The following MACROD2 variants were observed in gnomAD, a reference collection of about 807,000 sequenced individuals.
The protein encoded by MACROD2 is ADP-ribose glycohydrolase MACROD2.
Under a neutral mutation model 70.4 loss-of-function variants are expected in MACROD2, and 36 were observed. The ratio of observed to expected loss-of-function variants is 0.51; its 90% confidence interval spans 0.39 to 0.68. The LOEUF (loss-of-function observed/expected upper bound fraction) is 0.68, where lower values mean the gene tolerates loss of function less well. Ranked by LOEUF, MACROD2 falls within the 30% of genes least tolerant of loss-of-function variation. The probability of loss-of-function intolerance (pLI) is 0.00; values close to 1 mark genes in which losing one functional copy is unlikely to be tolerated. For missense variants in MACROD2, 496 were observed against 538.4 expected (o/e 0.92, Z 0.78); for synonymous variants, 172 against 178.8 (o/e 0.96, Z 0.30).
intron 8 of MACROD2, among the ~76,000 whole-genome samples, chr20:15,837,448 G>C (rs528164217): frequency 9.8e-4 from 149 of 152,172 alleles, no homozygotes; most frequent in Non-Finnish European, 1.9e-3. Context: ...TCCAACATGA[G>C]CCTCTCTTGT....
At chr20:14,230,769 G>T (rs2081802972) in intron 3 of MACROD2, among the ~76,000 whole-genome samples, 1 of 146,256 alleles carries the variant, frequency 6.8e-6, no homozygotes, top group Admixed American at 6.9e-5. Flanking sequence ...CATCTAGAAT[G>T]GTGAATCCTT....
chr20:15,976,080 T>G (rs2066301977), intron 13 of MACROD2, among the ~76,000 whole-genome samples: 1 of 152,244 alleles, frequency 6.6e-6, no homozygotes. Flanking sequence ...TAAGAAAACT[T>G]GAGCATCTAA....
intron 1 of MACROD2, among the ~76,000 whole-genome samples, chr20:14,001,787 T>C (rs2052735867): frequency 1.3e-5 from 2 of 152,012 alleles, no homozygotes; most frequent in Admixed American, 1.3e-4. Flanking sequence ...GCAAGAACAG[T>C]AGCACGAGAG....
chr20:14,737,844 T>C (rs2071686108), intron 5 of MACROD2, among the ~76,000 whole-genome samples: 1 of 152,244 alleles, frequency 6.6e-6, no homozygotes, highest in South Asian at 2.1e-4. Context: ...AGATTCTGGA[T>C]ATTAGCCCTT....
chr20:15,842,899 T>C (rs1568592466), intron 8 of MACROD2, among the ~76,000 whole-genome samples: 1 of 152,170 alleles, frequency 6.6e-6, no homozygotes, highest in African/African-American at 2.4e-5. Context: ...GCTAGGTGAT[T>C]AACTTTTTAT....
chr20:14,842,794 T>C (rs2073100905), intron 5 of MACROD2, among the ~76,000 whole-genome samples: 1 of 152,092 alleles, frequency 6.6e-6, no homozygotes, highest in South Asian at 2.1e-4. Flanking sequence ...TGAAATGCCA[T>C]CCATAGTACA....
intron 3 of MACROD2, among the ~76,000 whole-genome samples, chr20:14,134,800 T>TTAA (rs1388482935): frequency 2.3e-4 from 1 of 4,422 alleles, no homozygotes; most frequent in Admixed American, 2.6e-3. Context: ...AGACTCCGTG[T>TTAA]CAAAAAAAAA....
At chr20:14,514,074 G>A (rs2085061107) in intron 4 of MACROD2, among the ~76,000 whole-genome samples, 1 of 151,976 alleles carries the variant, frequency 6.6e-6, no homozygotes, top group African/African-American at 2.4e-5. Context: ...TTACCATAAA[G>A]TGACTTCTTG....
intron 5 of MACROD2, among the ~76,000 whole-genome samples, chr20:14,979,333 C>T (rs1281436084): frequency 5.9e-5 from 9 of 151,988 alleles, no homozygotes. Context: ...TTTTTCATGG[C>T]TTGACATAAA....
At chr20:15,591,489 G>C (rs1275194090) in intron 8 of MACROD2, among the ~76,000 whole-genome samples, 3 of 149,170 alleles carry the variant, frequency 2.0e-5, no homozygotes, top group Non-Finnish European at 4.4e-5. Flanking sequence ...TCTGTCCCAG[G>C]AGGAGGTAAT....
At chr20:14,992,479 T>C (rs2074913510) in intron 5 of MACROD2, among the ~76,000 whole-genome samples, 1 of 152,192 alleles carries the variant, frequency 6.6e-6, no homozygotes, top group African/African-American at 2.4e-5. Flanking sequence ...AAAACTGTAT[T>C]ATCAGTGATA....
chr20:15,811,156 C>G (rs139707437), intron 8 of MACROD2, among the ~76,000 whole-genome samples: 1,625 of 152,204 alleles, frequency 0.011, 15 homozygotes, highest in Non-Finnish European at 0.017. Context: ...AGGCAACCCA[C>G]AAAATGGGAG....
intron 5 of MACROD2, among the ~76,000 whole-genome samples, chr20:14,846,975 C>T (rs1003374834): frequency 6.6e-6 from 1 of 151,962 alleles, no homozygotes; most frequent in African/African-American, 2.4e-5. Context: ...AAAAGTTATG[C>T]CTTCAGTTTA....
intron 9 of MACROD2, among the ~76,000 whole-genome samples, chr20:15,871,469 A>G (rs1226623099): frequency 6.6e-6 from 1 of 152,196 alleles, no homozygotes; most frequent in Non-Finnish European, 1.5e-5. Context: ...TATGTTCCCA[A>G]GGCTGCTACA....
rs373287833 is a variant in MACROD2, at chr20:14,612,217, G to A, written c.302-72626G>A. Among the ~76,000 whole-genome samples, 111 of 152,138 alleles carry A rather than the reference G, an allele frequency of 7.3e-4. 3 individuals carry two copies. The South Asian group carries it at 0.023, about 31-fold the overall frequency. ...ATTTATCAAGTAGTTAATTCTCAGC[G>A]GTAGGCCACAAAATCAGTCTTTTGA... is the stretch of plus-strand genomic sequence containing the variant. On this transcript the variant is annotated intron_variant, in intron 4 of 17. Coordinates refer to ENST00000684519, the MANE Select transcript of MACROD2 (RefSeq NM_001351661.2).
chr20:15,487,164 G>A (rs2047173505), intron 7 of MACROD2, among the ~76,000 whole-genome samples: 1 of 152,208 alleles, frequency 6.6e-6, no homozygotes, highest in Admixed American at 6.5e-5. Flanking sequence ...ATGGGGCAGG[G>A]AAATATGTTC....
intron 9 of MACROD2, among the ~76,000 whole-genome samples, chr20:15,880,926 C>T (rs180917624): frequency 1.3e-5 from 2 of 152,214 alleles, no homozygotes; most frequent in Non-Finnish European, 2.9e-5. Flanking sequence ...AGTCTTGCCT[C>T]TTCTGGAATG....
chr20:15,415,230 G>A (rs1409466429), intron 6 of MACROD2, among the ~76,000 whole-genome samples: 1 of 152,204 alleles, frequency 6.6e-6, no homozygotes, highest in African/African-American at 2.4e-5. Flanking sequence ...ATCCCATGAA[G>A]ATATGTTAGT....
intron 7 of MACROD2, among the ~76,000 whole-genome samples, chr20:15,486,357 T>G (rs1306279308): frequency 6.6e-6 from 1 of 152,194 alleles, no homozygotes; most frequent in Non-Finnish European, 1.5e-5. Context: ...TAGGCTTTCT[T>G]ATATCTTTCA....
Sources: gnomAD v4.1 joint callset for allele counts (sites outside exome capture counted in the v4.1 genomes callset) on GRCh38, gnomAD v4.1.1 for gene constraint, MANE v1.5 for transcripts, NCBI Gene and HGNC (gene_info 2026-07-23, HGNC 2026-07-21) for gene names.